The following CDC5L variants were observed in gnomAD, a reference collection of about 807,000 sequenced individuals.
The protein encoded by CDC5L is cell division cycle 5-like protein.
CDC5L carries 18 observed loss-of-function variants against 104.1 expected under a neutral mutation model. The observed-to-expected ratio is 0.17, with a 90% CI of 0.12 to 0.26. The LOEUF (loss-of-function observed/expected upper bound fraction) is 0.26. CDC5L is among the 10% of genes least tolerant of loss of function. CDC5L has a pLI of 1.00. For synonymous variants in CDC5L, 331 were observed against 322.7 expected, an observed-to-expected ratio of 1.03 and a Z score of -0.28; for missense variants, 673 against 956.9, an observed-to-expected ratio of 0.70 and a Z score of 3.91.
intron 8 of CDC5L, among the ~76,000 whole-genome samples, chr6:44,415,270 A>G (rs2153379689): frequency 6.6e-6 from 1 of 152,324 alleles, no homozygotes; most frequent in East Asian, 1.9e-4. Flanking sequence ...GGAGCGTAGT[A>G]GTTATTTTGA....
intron 14 of CDC5L, among the ~76,000 whole-genome samples, chr6:44,434,115 C>G (rs930581073): frequency 1.3e-5 from 2 of 152,202 alleles, no homozygotes; most frequent in African/African-American, 4.8e-5. Flanking sequence ...TCGTAGTTGT[C>G]TCTGGTAAGA....
At chr6:44,407,912 T>C (rs1029425545) in intron 7 of CDC5L, among the ~76,000 whole-genome samples, 3 of 152,242 alleles carry the variant, frequency 2.0e-5, no homozygotes, top group African/African-American at 7.2e-5. Context: ...TAGATTTTCT[T>C]AGGGATCTTG....
chr6:44,426,841 A>G, intron 13 of CDC5L, 117 bp downstream of exon 13: 1 of 969,648 alleles, frequency 1.0e-6, no homozygotes, highest in Non-Finnish European at 1.6e-6. Context: ...ACTGAAATGT[A>G]TGATTAGGAG....
chr6:44,403,018 A>T (rs938866012), intron 5 of CDC5L, among the ~76,000 whole-genome samples: 3 of 152,218 alleles, frequency 2.0e-5, no homozygotes, highest in African/African-American at 7.2e-5. Context: ...GCTAAAGGCT[A>T]AGGAGTGAAA....
At position 44,440,923 on chromosome 6, in the gene CDC5L, G is replaced by A. The variant is rs115599201; in HGVS notation, c.2092-4732G>A. Among the ~76,000 whole-genome samples, 1,205 of 152,166 alleles carry A rather than the reference G, an allele frequency of 7.9e-3. 21 individuals are homozygous for A. Among genetic ancestry groups the A allele is most frequent in the African/African-American group, 0.028 (1,151 of 41,502 alleles). ...GCGTTTCACCATCTTGGCAAGGCTG[G>A]TCGTGAACTCCTAACCTCAAGTGAT... On this transcript the variant is annotated intron_variant, in intron 14 of 15. Coordinates refer to ENST00000371477, the MANE Select transcript of CDC5L (RefSeq NM_001253.4).
chr6:44,426,158 A>T lies in CDC5L; in HGVS notation c.1625A>T (p.Gln542Leu), dbSNP rs745604396. 2 of 1,609,422 alleles carry T rather than the reference A, an allele frequency of 1.2e-6. No homozygotes were observed. Among genetic ancestry groups the T allele is most frequent in the African/African-American group, 1.3e-5 (1 of 74,410 alleles). ...KEMKRMHKAVQKDLPRPSEVN... is the reference protein window; with the variant it reads ...KEMKRMHKAVLKDLPRPSEVN... ...ATGAAACGAATGCATAAAGCTGTCC[A>T]GAAAGATCTGCCAAGACCATCAGAA... The change falls in exon 12 of 16, where the codon CAG (glutamine) becomes CTG (leucine). Residue 542 changes from glutamine (Q) to leucine (L), a missense_variant. Physicochemically the swap from Gln to Leu is moderately radical, Grantham distance 113 (BLOSUM62 -2). Around this residue, in one of 4 missense-constraint regions of CDC5L, gnomAD observed 578 missense variants for 737.0 expected, o/e 0.78. Transcript: ENST00000371477.
At chr6:44,408,928 C>G (rs1178379984) in intron 8 of CDC5L, among the ~76,000 whole-genome samples, 1 of 152,182 alleles carries the variant, frequency 6.6e-6, no homozygotes, top group East Asian at 1.9e-4. Flanking sequence ...TTCACATTGC[C>G]TGCCAATCCT....
rs1323736810 is a variant in CDC5L at position 44,390,075 on chromosome 6, T to C, written c.46-193T>C. On this transcript the variant is annotated intron_variant, in intron 1 of 15. Transcript: ENST00000371477. ...GTAGCTGTCTTTCTAAGGGATTTCTTCTTAATTTCTCAATTCTTGGTTGCT... is the reference window on the plus strand; with the variant it reads ...GTAGCTGTCTTTCTAAGGGATTTCTCCTTAATTTCTCAATTCTTGGTTGCT... Among the ~76,000 whole-genome samples the C allele has an allele frequency of 2.0e-5, 3 of 152,222 alleles. No homozygotes were observed. The East Asian group carries it at 5.8e-4, about 29-fold the overall frequency.
intron 13 of CDC5L, among the ~76,000 whole-genome samples, chr6:44,428,940 T>C (rs1311562326): frequency 6.6e-6 from 1 of 151,910 alleles, no homozygotes; most frequent in Non-Finnish European, 1.5e-5. Context: ...GTGCCATTTG[T>C]ATTCTGCCTC....
intron 8 of CDC5L, among the ~76,000 whole-genome samples, chr6:44,417,783 T>C (rs1219771677): frequency 6.6e-6 from 1 of 151,914 alleles, no homozygotes; most frequent in Non-Finnish European, 1.5e-5. Context: ...TGCTTGGGAG[T>C]ATCTTAAGTT....
At chr6:44,430,734 A>G (rs1269609087) in intron 14 of CDC5L, among the ~76,000 whole-genome samples, 1 of 151,730 alleles carries the variant, frequency 6.6e-6, no homozygotes, top group East Asian at 1.9e-4. Flanking sequence ...CACCACGCCC[A>G]GTTAATTTTT....
In CDC5L at chr6:44,408,466, A is replaced by G; in HGVS notation, c.926A>G (p.Glu309Gly). 1 of 1,612,876 alleles carries G rather than the reference A, an allele frequency of 6.2e-7. No homozygotes were observed. The highest frequency in any genetic ancestry group is 1.1e-5 in the South Asian group (1 of 90,956). ...APQISDAELQ[E>G]VVKVGQASEI... ...TAGATTTCAGATGCAGAACTCCAGGAAGTTGTAAAAGTAGGCCAAGCGAGT... is the reference window on the plus strand; with the variant it reads ...TAGATTTCAGATGCAGAACTCCAGGGAGTTGTAAAAGTAGGCCAAGCGAGT... The change falls in exon 8 of 16, where the codon GAA (glutamate) becomes GGA (glycine). Residue 309 changes from glutamate to glycine, a missense_variant. Physicochemically the swap from Glu to Gly is moderately conservative, Grantham distance 98 (BLOSUM62 -2). Coordinates refer to ENST00000371477, the MANE Select transcript of CDC5L (RefSeq NM_001253.4).
chr6:44,406,873 A>G (rs1453780473), intron 7 of CDC5L, among the ~76,000 whole-genome samples: 1 of 152,094 alleles, frequency 6.6e-6, no homozygotes, highest in Non-Finnish European at 1.5e-5. Flanking sequence ...AGATGGTGCC[A>G]TTGCACTCCA....
chr6:44,387,875 C>T lies in CDC5L; in HGVS notation c.45+7C>T, dbSNP rs1462330380. ...CGTATGGAGGAATACCGAGGTAAGT[C>T]TCCTTTTCCCGCCGTCCGCTGCCCG... is the stretch of plus-strand genomic sequence containing the variant. On this transcript the variant is annotated splice_region_variant and intron_variant, in intron 1 of 15. Transcript: ENST00000371477. 12 of 1,557,460 alleles carry T rather than the reference C, an allele frequency of 7.7e-6. No individual in the cohort carries two copies. Among genetic ancestry groups the T allele is most frequent in the African/African-American group, 1.4e-5 (1 of 73,316 alleles).
At position 44,401,310 on chromosome 6, in the gene CDC5L, G is replaced by A. The variant is rs1482360048; in HGVS notation, c.540-2499G>A. Among the ~76,000 whole-genome samples the A allele has an allele frequency of 4.6e-3, 10 of 2,196 alleles. No individual in the cohort carries two copies. In the Non-Finnish European group the frequency reaches 0.081, roughly 18 times the overall value. The allele number at this position is 2,196 out of a possible 152,430, so 1.4% of individuals were successfully genotyped here. A position where few individuals can be genotyped will look rare whatever the true frequency, so the allele number is the denominator to read the frequency against. ...AAGGTTTCCTTGGCTTGCCCTCCCC[G>A]TCCGTCCGCCCGCAGCGTGGAGCCC... On this transcript the variant is annotated intron_variant, in intron 5 of 15. Coordinates refer to ENST00000371477, the MANE Select transcript of CDC5L (RefSeq NM_001253.4).
intron 14 of CDC5L, among the ~76,000 whole-genome samples, chr6:44,443,306 T>C (rs561646097): frequency 1.3e-5 from 2 of 152,126 alleles, no homozygotes; most frequent in Non-Finnish European, 2.9e-5. Context: ...GTTTTTGACA[T>C]TTTAATTGTG....
chr6:44,408,693 G>A, intron 8 of CDC5L, 61 bp downstream of exon 8: 2 of 1,263,194 alleles, frequency 1.6e-6, no homozygotes, highest in Non-Finnish European at 2.2e-6. Context: ...GAAGTATCAT[G>A]CAGGAGAACT....
intron 8 of CDC5L, among the ~76,000 whole-genome samples, chr6:44,414,353 C>T (rs1791805756): frequency 1.3e-5 from 2 of 149,360 alleles, no homozygotes; most frequent in Admixed American, 1.3e-4. Context: ...GTTGGGATTA[C>T]AGGCGTGAGC....
At position 44,403,980 on chromosome 6, in the gene CDC5L, A is replaced by T. The variant is rs754948888; in HGVS notation, c.711A>T (p.Ala237=). ...TSEENYQALD[A]DFRKLRQQDL... The stretch of plus-strand genomic sequence containing the variant: ...AGGAAAACTACCAAGCTCTTGACGC[A>T]GATTTCAGGAAATTAAGACAACAGG... Residue 237 remains alanine, a synonymous_variant, in exon 6 of 16, where the codon GCA becomes GCT. Coordinates refer to ENST00000371477, the MANE Select transcript of CDC5L (RefSeq NM_001253.4). 6.2e-7 allele frequency: 1 copy of T among 1,612,656 alleles called. No homozygotes were observed. Among genetic ancestry groups the T allele is most frequent in the Non-Finnish European group, 8.5e-7 (1 of 1,179,760 alleles).
Sources: gnomAD v4.1 joint callset for allele counts (sites outside exome capture counted in the v4.1 genomes callset) on GRCh38, gnomAD v4.1.1 for gene constraint, gnomAD v4.1.1 regional missense constraint, MANE v1.5 for transcripts, NCBI Gene and HGNC (gene_info 2026-07-23, HGNC 2026-07-21) for gene names.